The following COL23A1 variants were observed in gnomAD, a reference collection of about 807,000 sequenced individuals.
The protein encoded by COL23A1 is collagen type XXIII alpha 1 chain.
In COL23A1, 97 loss-of-function variants were observed where a neutral mutation model predicts 99.3. The ratio of observed to expected loss-of-function variants is 0.98; its 90% CI spans 0.83 to 1.16. COL23A1 has a LOEUF of 1.16. Ranked by LOEUF, COL23A1 falls within the 50% of genes most tolerant of loss-of-function variation. The pLI is 0.00. For synonymous variants in COL23A1, 320 were observed against 308.2 expected, an observed-to-expected ratio of 1.04 and a Z score of -0.40; for missense variants, 762 against 757.4, an observed-to-expected ratio of 1.01 and a Z score of -0.07.
intron 5 of COL23A1, among the ~76,000 whole-genome samples, chr5:178,283,241 C>G (rs1756992905): frequency 6.6e-6 from 1 of 152,228 alleles, no homozygotes; most frequent in South Asian, 2.1e-4. Flanking sequence ...GCCCTCGCCT[C>G]TGTCTTGGTT....
intron 12 of COL23A1, 90 bp downstream of exon 12, chr5:178,259,631 A>T: frequency 3.3e-6 from 2 of 608,024 alleles, no homozygotes; most frequent in Non-Finnish European, 5.6e-6. Context: ...TCCCGTCCCC[A>T]TCCCCATCCC....
At chr5:178,558,254 T>C (rs985881750) in intron 2 of COL23A1, among the ~76,000 whole-genome samples, 1 of 151,222 alleles carries the variant, frequency 6.6e-6, no homozygotes, top group Non-Finnish European at 1.5e-5. Flanking sequence ...ACTTATACCT[T>C]CTCCATAACC....
rs1230452454 is a variant in COL23A1, at chr5:178,523,146, AT to A, written c.361+37535del. Among the ~76,000 whole-genome samples, 16 of 44,810 alleles carry A rather than the reference AT, an allele frequency of 3.6e-4. No homozygotes were observed. The East Asian group carries it at 0.013, about 35-fold the overall frequency. 29.4% of individuals were successfully genotyped at this position (44,810 alleles called of 152,430 possible). On this transcript the variant is annotated intron_variant, in intron 2 of 28. Transcript: ENST00000390654. ...TGAAACTCTGTCTCTATTTAAAAAT[AT>A]ATATATATATATATACATATATATA... is the stretch of plus-strand genomic sequence containing the variant.
chr5:178,582,332 G>A (rs1226285758), intron 1 of COL23A1, among the ~76,000 whole-genome samples: 2 of 152,130 alleles, frequency 1.3e-5, no homozygotes, highest in East Asian at 3.9e-4. Flanking sequence ...GAGCTGGAGC[G>A]CTAATGGGCA....
At chr5:178,249,716 A>ACACACACTCACTCTCTCTCTCTCTCT in intron 18 of COL23A1, among the ~76,000 whole-genome samples, 8 of 92,754 alleles carry the variant, frequency 8.6e-5, no homozygotes, top group East Asian at 4.2e-4. Flanking sequence ...ACACACACAC[A>ACACACACTCACTCTCTCTCTCTCTCT]CTCTCTCTCT....
At chr5:178,312,172 C>T (rs1156473874) in intron 2 of COL23A1, among the ~76,000 whole-genome samples, 4 of 152,194 alleles carry the variant, frequency 2.6e-5, no homozygotes, top group Non-Finnish European at 5.9e-5. Flanking sequence ...GCAAGGGCAG[C>T]CCCGTGGGAA....
intron 3 of COL23A1, among the ~76,000 whole-genome samples, chr5:178,305,803 G>C (rs1758320269): frequency 6.6e-6 from 1 of 152,154 alleles, no homozygotes; most frequent in African/African-American, 2.4e-5. Context: ...GAAGAGAGAA[G>C]AGGACATGGG....
At position 178,584,977 on chromosome 5, in the gene COL23A1, G is replaced by C. The variant is rs1763848194; in HGVS notation, c.294+4927C>G. Among the ~76,000 whole-genome samples, 2 of 152,148 alleles carry C rather than the reference G, an allele frequency of 1.3e-5. 1 individual carries two copies. Among genetic ancestry groups the C allele is most frequent in the Non-Finnish European group, 2.9e-5 (2 of 68,032 alleles). ...GTGCCACCCTTAGTCACTCACTTCGGGGGCAGAACAGCATCTGCTCAAGGG... is the reference window on the plus strand; with the variant it reads ...GTGCCACCCTTAGTCACTCACTTCGCGGGCAGAACAGCATCTGCTCAAGGG... On this transcript the variant is annotated intron_variant, in intron 1 of 28. Transcript: ENST00000390654.
intron 2 of COL23A1, among the ~76,000 whole-genome samples, chr5:178,498,508 T>C (rs931338379): frequency 3.3e-5 from 5 of 150,942 alleles, no homozygotes; most frequent in Admixed American, 3.3e-4. Context: ...ATGAGAAAAA[T>C]AGTAGAGTGT....
chr5:178,479,472 C>T (rs1427021005), intron 2 of COL23A1, among the ~76,000 whole-genome samples: 1 of 152,222 alleles, frequency 6.6e-6, no homozygotes, highest in Non-Finnish European at 1.5e-5. Context: ...GCCGGTGAGG[C>T]TGCTCTCCCC....
At chr5:178,442,926 C>G (rs947423735) in intron 2 of COL23A1, 1 of 152,292 alleles carries the variant, frequency 6.6e-6, no homozygotes, top group Admixed American at 6.5e-5. Context: ...ACGGTCTCAC[C>G]GAACCTTCGG....
rs200567150 is a variant in COL23A1 at position 178,403,108 on chromosome 5, C to CAAAAAAAAAA, written c.362-96199_362-96190dup. On this transcript the variant is annotated intron_variant, in intron 2 of 28. Coordinates refer to ENST00000390654, the MANE Select transcript of COL23A1 (RefSeq NM_173465.4). ...TGGGCAACAGAGAGAGACTCCATCT[C>CAAAAAAAAAA]AAAAAAAAAAAAAATAAATAAATAA... 2.6e-3 allele frequency among the ~76,000 whole-genome samples: 123 copies of CAAAAAAAAAA among 46,600 alleles called. 8 individuals are homozygous for CAAAAAAAAAA. The highest frequency in any genetic ancestry group is 5.6e-3 in the East Asian group (5 of 886). The allele number at this position is 46,600 out of a possible 152,430, so 30.6% of individuals were successfully genotyped here. A position where few individuals can be genotyped will look rare whatever the true frequency, so the allele number is the denominator to read the frequency against.
chr5:178,453,233 C>T (rs1236227374), intron 2 of COL23A1, among the ~76,000 whole-genome samples: 1 of 152,194 alleles, frequency 6.6e-6, no homozygotes, highest in Non-Finnish European at 1.5e-5. Context: ...TCTGGAGGGA[C>T]ACTGCATGAA....
At chr5:178,511,899 T>A (rs1271214771) in intron 2 of COL23A1, among the ~76,000 whole-genome samples, 10 of 152,020 alleles carry the variant, frequency 6.6e-5, no homozygotes, top group South Asian at 2.1e-4. Context: ...AAAAAAAAAA[T>A]TTTAATTGGT....
intron 2 of COL23A1, among the ~76,000 whole-genome samples, chr5:178,317,801 CAT>C (rs1561856043): frequency 6.6e-6 from 1 of 152,158 alleles, no homozygotes; most frequent in Non-Finnish European, 1.5e-5. Flanking sequence ...TTAATGGACT[CAT>C]GTGGCTGAGG....
intron 2 of COL23A1, among the ~76,000 whole-genome samples, chr5:178,354,889 T>C (rs1029324981): frequency 3.3e-5 from 5 of 152,034 alleles, no homozygotes; most frequent in African/African-American, 1.2e-4. Flanking sequence ...AAACCCCGTC[T>C]CTAGTAAAAA....
intron 2 of COL23A1, among the ~76,000 whole-genome samples, chr5:178,516,928 C>T (rs1186095227): frequency 6.6e-6 from 1 of 152,196 alleles, no homozygotes; most frequent in African/African-American, 2.4e-5. Context: ...AGCGGGCTTC[C>T]TGCGCAGAAA....
At position 178,325,580 on chromosome 5, in the gene COL23A1, T is replaced by C. The variant is rs143595923; in HGVS notation, c.362-18661A>G. 5.3e-5 allele frequency among the ~76,000 whole-genome samples: 8 copies of C among 152,294 alleles called. No individual in the cohort carries two copies. In the East Asian group the frequency reaches 1.2e-3, roughly 22 times the overall value. ...CTTAGCCTTCCCAGCTGCTTACTCT[T>C]GGGCCAGGGAATCCACTTGCTACAG... On this transcript the variant is annotated intron_variant, in intron 2 of 28. Coordinates refer to ENST00000390654, the MANE Select transcript of COL23A1 (RefSeq NM_173465.4).
At chr5:178,444,632 T>TA (rs1312029014) in intron 2 of COL23A1, among the ~76,000 whole-genome samples, 1 of 151,786 alleles carries the variant, frequency 6.6e-6, no homozygotes, top group Non-Finnish European at 1.5e-5. Flanking sequence ...CCGTCTCTAC[T>TA]AAAAATGCAA....
Sources: gnomAD v4.1 joint callset for allele counts (sites outside exome capture counted in the v4.1 genomes callset) on GRCh38, gnomAD v4.1.1 for gene constraint, MANE v1.5 for transcripts, NCBI Gene and HGNC (gene_info 2026-07-23, HGNC 2026-07-21) for gene names.